Variants in TEKTIP1 observed in about 807,000 individuals in gnomAD.
TEKTIP1 encodes the protein tektin bundle-interacting protein 1.
chr19:3,542,828 C>T, the TEKTIP1 span: 2 of 1,375,274 alleles, frequency 1.5e-6, no homozygotes, highest in African/African-American at 1.5e-5. Flanking sequence ...GTGCCAGCCC[C>T]AGACCACTTC....
chr19:3,543,520 G>A, the TEKTIP1 span: 34 of 1,529,352 alleles, frequency 2.2e-5, no homozygotes, highest in Middle Eastern at 7.0e-4. Flanking sequence ...GCCAGAGGGG[G>A]ACAGGAATGA....
chr19:3,542,882 G>A, the TEKTIP1 span: 4 of 1,400,580 alleles, frequency 2.9e-6, no homozygotes, highest in Non-Finnish European at 3.8e-6. Flanking sequence ...CAGAGGAAGG[G>A]ACTTGTGGGT....
At chr19:3,539,421 C>A in the TEKTIP1 span, 1 of 591,302 alleles carries the variant, frequency 1.7e-6, no homozygotes, top group South Asian at 2.0e-5. Context: ...TGTTCCCCTC[C>A]GGCCAGTGGC....
At chr19:3,543,565 G>A in the TEKTIP1 span, 1 of 1,455,288 alleles carries the variant, frequency 6.9e-7, no homozygotes. Flanking sequence ...CCTACACCCA[G>A]CACCTGCGGG....
chr19:3,542,390 G>A, the TEKTIP1 span: 2 of 985,404 alleles, frequency 2.0e-6, no homozygotes, highest in Non-Finnish European at 2.4e-6. Flanking sequence ...AGACTGTCTT[G>A]GGGCCAGCAA....
the TEKTIP1 span, chr19:3,543,900 C>A: frequency 6.4e-7 from 1 of 1,551,018 alleles, no homozygotes; most frequent in East Asian, 2.4e-5. Context: ...CCTGTCGGCA[C>A]CCCAGCGCCC....
chr19:3,543,360 C>G, the TEKTIP1 span: 7 of 1,549,314 alleles, frequency 4.5e-6, no homozygotes, highest in South Asian at 4.8e-5. Context: ...CTGACCAACT[C>G]GGACGCCTGG....
the TEKTIP1 span, chr19:3,541,800 A>G: frequency 3.0e-6 from 3 of 984,530 alleles, no homozygotes; most frequent in Non-Finnish European, 3.6e-6. Flanking sequence ...CTCATTGAAT[A>G]TTATTCTGTG....
chr19:3,542,732 C>T, the TEKTIP1 span: 4 of 1,320,216 alleles, frequency 3.0e-6, no homozygotes, highest in South Asian at 1.2e-5. Context: ...ATCCACCTGC[C>T]TCAGCCTCCC....
the TEKTIP1 span, chr19:3,543,999 A>G: frequency 1.3e-6 from 2 of 1,535,132 alleles, no homozygotes; most frequent in South Asian, 1.2e-5. Flanking sequence ...CCTCACACCC[A>G]CTCCCCGATA....
chr19:3,541,425 C>T, the TEKTIP1 span, among the ~76,000 whole-genome samples: 1 of 151,124 alleles, frequency 6.6e-6, no homozygotes, highest in East Asian at 2.0e-4. Flanking sequence ...TGGGTTCTAG[C>T]GATTCTCCTG....
the TEKTIP1 span, among the ~76,000 whole-genome samples, chr19:3,540,603 G>C: frequency 1.3e-5 from 2 of 151,882 alleles, no homozygotes; most frequent in Non-Finnish European, 2.9e-5. Flanking sequence ...CAGGCAGCCA[G>C]GCGCAGTGGC....
At chr19:3,539,500 A>ACTG in the TEKTIP1 span, 126 of 524,516 alleles carry the variant, frequency 2.4e-4, 1 homozygote, top group Non-Finnish European at 2.1e-5. Context: ...GTCTCCAAGG[A>ACTG]CTGCAAACGC....
chr19:3,539,246 A>C, the TEKTIP1 span: 2 of 1,549,370 alleles, frequency 1.3e-6, no homozygotes, highest in Non-Finnish European at 1.7e-6. Context: ...CCAGCTTCCC[A>C]GCACCGCTGT....
At chr19:3,543,613 C>T in the TEKTIP1 span, 1 of 1,544,810 alleles carries the variant, frequency 6.5e-7, no homozygotes, top group South Asian at 1.2e-5. Flanking sequence ...CTGCCCAGTA[C>T]CAGGCCCCCA....
At chr19:3,543,397 C>A in the TEKTIP1 span, 1 of 1,549,002 alleles carries the variant, frequency 6.5e-7, no homozygotes, top group Non-Finnish European at 8.7e-7. Context: ...TGCCACGGGC[C>A]CCGGCCAGCC....
At chr19:3,539,472 AC>A in the TEKTIP1 span, 2 of 554,080 alleles carry the variant, frequency 3.6e-6, no homozygotes, top group African/African-American at 3.7e-5. Context: ...CAGGCCAAGA[AC>A]AAATGTGTCT....
At chr19:3,540,446 C>T in the TEKTIP1 span, among the ~76,000 whole-genome samples, 2,971 of 151,342 alleles carry the variant, frequency 0.02, 98 homozygotes, top group African/African-American at 0.068. Context: ...TTAGTAGAGA[C>T]GGGGTTTCAC....
At chr19:3,542,135 T>A in the TEKTIP1 span, 1 of 985,410 alleles carries the variant, frequency 1.0e-6, no homozygotes, top group African/African-American at 1.7e-5. Context: ...TAATTGTGTT[T>A]TAAAAGCTAC....
Sources: allele counts gnomAD v4.1 joint callset (sites outside exome capture counted in the v4.1 genomes callset), GRCh38; gene constraint gnomAD v4.1.1; transcripts MANE v1.5; gene names NCBI Gene and HGNC (gene_info 2026-07-23, HGNC 2026-07-21).